Variants in HDAC9 observed in about 807,000 individuals in gnomAD.
The protein encoded by HDAC9 is histone deacetylase 9, also known as MEF-2 interacting transcription repressor (MITR) protein.
A neutral mutation model predicts 139.4 loss-of-function variants in HDAC9; 41 were observed. The ratio of observed to expected loss-of-function variants is 0.29; its 90% CI spans 0.23 to 0.38. The LOEUF is 0.38. HDAC9 is among the 10% of genes least tolerant of loss of function. HDAC9 has a pLI of 1.00. For synonymous variants in HDAC9, 517 were observed against 476.2 expected, an observed-to-expected ratio of 1.09 and a Z score of -1.12; for missense variants, 1,147 against 1,297.0, an observed-to-expected ratio of 0.88 and a Z score of 1.78.
At chr7:18,143,614 C>T (rs539530441) in intron 1 of HDAC9, among the ~76,000 whole-genome samples, 29 of 152,062 alleles carry the variant, frequency 1.9e-4, no homozygotes, top group East Asian at 5.8e-4. Flanking sequence ...GGTGAAACCT[C>T]GTATCTACTA....
intron 2 of HDAC9, among the ~76,000 whole-genome samples, chr7:18,563,046 C>G (rs1404575402): frequency 6.6e-6 from 1 of 151,910 alleles, no homozygotes; most frequent in African/African-American, 2.4e-5. Flanking sequence ...GTTGTATTTA[C>G]TGATCAAATT....
intron 2 of HDAC9, among the ~76,000 whole-genome samples, chr7:18,216,789 T>G (rs1193934110): frequency 6.6e-6 from 1 of 152,162 alleles, no homozygotes; most frequent in African/African-American, 2.4e-5. Flanking sequence ...ATGATAGTTT[T>G]CTGTTTTGTC....
At chr7:18,890,188 T>TA (rs1800553402) in intron 22 of HDAC9, among the ~76,000 whole-genome samples, 2 of 152,226 alleles carry the variant, frequency 1.3e-5, no homozygotes, top group Non-Finnish European at 2.9e-5. Flanking sequence ...CAATATTAGA[T>TA]AGTCTTATCA....
chr7:18,665,675 A>G lies in HDAC9; in HGVS notation c.1468-538A>G, dbSNP rs184063823. 3.6e-3 allele frequency among the ~76,000 whole-genome samples: 549 copies of G among 152,216 alleles called. 5 individuals are homozygous for G. Among genetic ancestry groups the G allele is most frequent in the African/African-American group, 0.012 (515 of 41,560 alleles). On this transcript the variant is annotated intron_variant, in intron 11 of 25. Transcript: ENST00000686413. ...ATCAAAATAAATATTTCTAGTTCTT[A>G]CAAATATATATAAGAAGATGCTTTT... is the stretch of plus-strand genomic sequence containing the variant.
At chr7:18,640,945 G>T (rs905640373) in intron 8 of HDAC9, among the ~76,000 whole-genome samples, 9 of 152,004 alleles carry the variant, frequency 5.9e-5, no homozygotes, top group African/African-American at 1.9e-4. Flanking sequence ...GCCATCACTG[G>T]GTCATGGTAT....
intron 1 of HDAC9, among the ~76,000 whole-genome samples, chr7:18,103,194 A>G (rs756999305): frequency 2.0e-5 from 3 of 152,138 alleles, no homozygotes; most frequent in Non-Finnish European, 4.4e-5. Context: ...TGGGAACAGT[A>G]TGGGGGAAAC....
Position 18,757,404 on chromosome 7 carries a change from G to A in HDAC9, c.2044-4753G>A, listed in dbSNP as rs147920933. Among the ~76,000 whole-genome samples, 608 of 152,200 alleles carry A rather than the reference G, an allele frequency of 4.0e-3. 4 individuals are homozygous for A. The highest frequency in any genetic ancestry group is 0.014 in the African/African-American group (575 of 41,542). On this transcript the variant is annotated intron_variant, in intron 14 of 25. Transcript: ENST00000686413. Reference sequence around the variant, plus strand: ...CCAGTGGAGGCAGGTACTCTGACTTGTCAAATTTAAGTTGGACATTTTCTC... The same window carrying A: ...CCAGTGGAGGCAGGTACTCTGACTTATCAAATTTAAGTTGGACATTTTCTC...
At chr7:18,494,381 T>A (rs1796612147), upstream of HDAC9, among the ~76,000 whole-genome samples, 2 of 152,042 alleles carry the variant, frequency 1.3e-5, no homozygotes, top group Non-Finnish European at 2.9e-5. Context: ...TTGACCAAGA[T>A]CCCTCTTCCA....
At chr7:18,674,582 T>C (rs765237539) in intron 12 of HDAC9, among the ~76,000 whole-genome samples, 5 of 152,088 alleles carry the variant, frequency 3.3e-5, no homozygotes, top group Non-Finnish European at 7.4e-5. Context: ...TTCATCATTG[T>C]TCCTAGAGCC....
intron 1 of HDAC9, among the ~76,000 whole-genome samples, chr7:18,468,122 G>A (rs1292754163): frequency 6.6e-6 from 1 of 152,090 alleles, no homozygotes; most frequent in Non-Finnish European, 1.5e-5. Flanking sequence ...ACTTGGCTGA[G>A]GTAATGTTTG....
intron 12 of HDAC9, among the ~76,000 whole-genome samples, chr7:18,688,805 T>C (rs1240132875): frequency 6.6e-6 from 1 of 151,838 alleles, no homozygotes; most frequent in Non-Finnish European, 1.5e-5. Flanking sequence ...GAAGTCAAAA[T>C]GACAAGGACC....
Position 18,634,716 on chromosome 7 carries a change from G to A in HDAC9, c.886G>A (p.Val296Ile). ...TGSVTENETSVLPPTPHAEQM... is the reference protein window; with the variant it reads ...TGSVTENETSILPPTPHAEQM... ...AAGTGTTACTGAAAATGAGACTTCG[G>A]TTTTGCCCCCTACCCCTCATGCCGA... The change falls in exon 8 of 26, where the codon GTT becomes ATT. Residue 296 changes from valine to isoleucine, a missense_variant. This residue lies in a region of HDAC9 where 264 missense variants were observed against 273.8 expected (regional missense o/e 0.96). Coordinates refer to ENST00000686413, the MANE Select transcript of HDAC9 (RefSeq NM_178425.4). The A allele has an allele frequency of 6.3e-7, 1 of 1,596,354 alleles. No individual in the cohort carries two copies. The highest frequency in any genetic ancestry group is 8.5e-7 in the Non-Finnish European group (1 of 1,170,352).
At chr7:18,970,568 G>C (rs982808144) in intron 24 of HDAC9, among the ~76,000 whole-genome samples, 3 of 152,070 alleles carry the variant, frequency 2.0e-5, no homozygotes, top group African/African-American at 7.2e-5. Flanking sequence ...TTTTCAATGT[G>C]TCTTTATTTT....
At chr7:18,932,974 C>T (rs1307382961) in intron 22 of HDAC9, among the ~76,000 whole-genome samples, 1 of 152,128 alleles carries the variant, frequency 6.6e-6, no homozygotes, top group Non-Finnish European at 1.5e-5. Context: ...GCAAACTCCA[C>T]AACCAGTCTT....
chr7:18,774,333 G>A (rs879043008), intron 16 of HDAC9, among the ~76,000 whole-genome samples: 1 of 151,832 alleles, frequency 6.6e-6, no homozygotes, highest in Admixed American at 6.6e-5. Flanking sequence ...AATTTATTCT[G>A]TTATATTCTA....
intron 11 of HDAC9, among the ~76,000 whole-genome samples, chr7:18,663,028 G>A (rs968914959): frequency 1.2e-4 from 18 of 152,096 alleles, no homozygotes; most frequent in African/African-American, 4.1e-4. Flanking sequence ...TTTCAATGAA[G>A]TATGGAGCCT....
chr7:18,415,197 A>G (rs1291037073), intron 1 of HDAC9, among the ~76,000 whole-genome samples: 1 of 152,158 alleles, frequency 6.6e-6, no homozygotes, highest in East Asian at 1.9e-4. Flanking sequence ...TTATAGTAGA[A>G]CACGATGCTG....
At chr7:18,260,269 A>G (rs563356240) in intron 2 of HDAC9, among the ~76,000 whole-genome samples, 1 of 148,958 alleles carries the variant, frequency 6.7e-6, no homozygotes, top group South Asian at 2.1e-4. Context: ...TGAGAGGGCT[A>G]GCATTTACGG....
intron 21 of HDAC9, among the ~76,000 whole-genome samples, chr7:18,867,149 A>T (rs774113578): frequency 5.3e-5 from 8 of 152,168 alleles, no homozygotes; most frequent in Non-Finnish European, 7.4e-5. Flanking sequence ...AGGGGTGGAG[A>T]CATGCAGGGA....
Sources: allele counts gnomAD v4.1 joint callset (sites outside exome capture counted in the v4.1 genomes callset), GRCh38; gene constraint gnomAD v4.1.1; regional missense constraint gnomAD v4.1.1; transcripts MANE v1.5; gene names NCBI Gene and HGNC (gene_info 2026-07-23, HGNC 2026-07-21).